Variants in FLACC1 observed in about 807,000 individuals in gnomAD.
FLACC1 encodes the protein flagellum associated containing coiled-coil domains 1.
A neutral mutation model predicts 62.8 loss-of-function variants in FLACC1; 66 were observed. That is an observed-to-expected ratio of 1.05 (90% CI 0.86 to 1.29). FLACC1 has a LOEUF of 1.29. Among genes scored for constraint, FLACC1 ranks in the 50% most tolerant of loss-of-function variants. The probability of loss-of-function intolerance (pLI) is 0.00; values close to 1 mark genes in which losing one functional copy is unlikely to be tolerated. For synonymous variants in FLACC1, 156 were observed against 161.0 expected, an observed-to-expected ratio of 0.97 and a Z score of 0.24; for missense variants, 452 against 489.1, an observed-to-expected ratio of 0.92 and a Z score of 0.71.
intron 4 of FLACC1, 28 bp downstream of exon 4, chr2:201,348,226 C>G (rs114465540): frequency 0.051 from 82,579 of 1,607,020 alleles, 2,427 homozygotes; most frequent in Middle Eastern, 0.088. Flanking sequence ...AAATTTTAGT[C>G]CCACCGCCCT....
At chr2:201,302,241 A>C (rs1241573498) in intron 11 of FLACC1, among the ~76,000 whole-genome samples, 1 of 152,164 alleles carries the variant, frequency 6.6e-6, no homozygotes, top group Non-Finnish European at 1.5e-5. Context: ...GTAAGATCTA[A>C]CAAAAAAATG....
chr2:201,336,433 T>C (rs1462081891), intron 7 of FLACC1, among the ~76,000 whole-genome samples: 1 of 152,208 alleles, frequency 6.6e-6, no homozygotes, highest in Non-Finnish European at 1.5e-5. Flanking sequence ...AGTTGATCCA[T>C]ATCTTTGTTA....
chr2:201,321,631 T>C (rs1950405153), intron 9 of FLACC1, among the ~76,000 whole-genome samples: 1 of 152,126 alleles, frequency 6.6e-6, no homozygotes, highest in East Asian at 1.9e-4. Flanking sequence ...AGGTTCAAGC[T>C]TGTATGAGAG....
At chr2:201,345,881 G>C (rs140101813) in intron 5 of FLACC1, among the ~76,000 whole-genome samples, 1 of 152,114 alleles carries the variant, frequency 6.6e-6, no homozygotes, top group East Asian at 1.9e-4. Context: ...TAATGAAAAA[G>C]AGGCTGGGCG....
chr2:201,338,992 T>C (rs1461185032), intron 7 of FLACC1, among the ~76,000 whole-genome samples: 3 of 151,618 alleles, frequency 2.0e-5, no homozygotes, highest in African/African-American at 4.9e-5. Flanking sequence ...AGGATTACTA[T>C]TAGTTCTCCT....
chr2:201,299,384 A>G, intron 11 of FLACC1, 84 bp from the exon 12 acceptor site: 1 of 1,089,874 alleles, frequency 9.2e-7, no homozygotes, highest in Non-Finnish European at 1.4e-6. Flanking sequence ...ACTAGGATTC[A>G]GGAATATAAT....
chr2:201,362,260 TAG>T (rs1210886831), upstream of FLACC1, among the ~76,000 whole-genome samples: 1 of 152,124 alleles, frequency 6.6e-6, no homozygotes, highest in Non-Finnish European at 1.5e-5. Flanking sequence ...GATATCAAAG[TAG>T]AGTCTCAAGC....
chr2:201,351,681 C>T (rs1029973664), intron 1 of FLACC1: 19 of 316,314 alleles, frequency 6.0e-5, no homozygotes, highest in Middle Eastern at 1.0e-3. Flanking sequence ...TGGTGGCTCA[C>T]GCCTGTAATC....
At chr2:201,333,511 G>A (rs185925713) in intron 7 of FLACC1, among the ~76,000 whole-genome samples, 6 of 151,614 alleles carry the variant, frequency 4.0e-5, no homozygotes, top group South Asian at 2.1e-4. Flanking sequence ...CCAGTAACTC[G>A]TCATTTAGCA....
chr2:201,363,179 A>C, the FLACC1 span, among the ~76,000 whole-genome samples: 1 of 151,880 alleles, frequency 6.6e-6, no homozygotes, highest in South Asian at 2.1e-4. Context: ...ATTGTGGTAC[A>C]GCGTGGCTCT....
rs1347600734 is a variant in FLACC1 at position 201,342,387 on chromosome 2, G to A, written c.507C>T (p.Asn169=). The change falls in exon 7 of 15, where the codon AAC becomes AAT. Residue 169 remains asparagine, a synonymous_variant. Coordinates refer to ENST00000392257, the MANE Select transcript of FLACC1 (RefSeq NM_001127391.3). ...AAGTGTACCTGTTCTTGTTTTCAAA[G>A]TTCTGTTTCATCTCAGCACAGCGGA... is the stretch of plus-strand genomic sequence containing the variant. ...MDLRCAEMKQ[N]FENKNRELKE... 6.2e-7 allele frequency: 1 copy of A among 1,614,214 alleles called. No individual in the cohort carries two copies. Among genetic ancestry groups the A allele is most frequent in the East Asian group, 2.2e-5 (1 of 44,888 alleles).
At chr2:201,317,188 G>T (rs1950322507) in intron 9 of FLACC1, among the ~76,000 whole-genome samples, 1 of 152,152 alleles carries the variant, frequency 6.6e-6, no homozygotes, top group Non-Finnish European at 1.5e-5. Flanking sequence ...AGTACTGGAA[G>T]TCCTAGCCAG....
At chr2:201,347,965 T>C (rs1299613373) in intron 4 of FLACC1, 1 of 239,596 alleles carries the variant, frequency 4.2e-6, no homozygotes, top group Non-Finnish European at 8.1e-6. Flanking sequence ...AGCTGTTCAC[T>C]GGCCTGGACT....
chr2:201,351,494 T>G, intron 1 of FLACC1, 43 bp from the exon 2 acceptor site: 2 of 967,186 alleles, frequency 2.1e-6, no homozygotes, highest in Non-Finnish European at 3.2e-6. Flanking sequence ...CCATTTAGAA[T>G]CAAAGCAAAA....
chr2:201,291,407 G>T (rs1949731920), intron 12 of FLACC1, among the ~76,000 whole-genome samples: 1 of 152,210 alleles, frequency 6.6e-6, no homozygotes. Context: ...CTGATACCCA[G>T]GCAAACAGGG....
At chr2:201,295,574 G>A (rs897431989) in intron 12 of FLACC1, among the ~76,000 whole-genome samples, 26 of 152,214 alleles carry the variant, frequency 1.7e-4, no homozygotes, top group African/African-American at 6.0e-4. Flanking sequence ...GAAAATCTAG[G>A]CAATACCATT....
intron 10 of FLACC1, among the ~76,000 whole-genome samples, chr2:201,308,824 G>T (rs909565089): frequency 3.9e-5 from 6 of 152,102 alleles, no homozygotes; most frequent in African/African-American, 7.2e-5. Context: ...TTGGAACTTT[G>T]GGTTCATCTG....
At chr2:201,330,941 C>A in intron 7 of FLACC1, 108 bp from the exon 8 acceptor site, 9 of 648,632 alleles carry the variant, frequency 1.4e-5, no homozygotes, top group Non-Finnish European at 1.7e-5. Flanking sequence ...AAGTGAGGTT[C>A]TCACTTTTTT....
At chr2:201,289,271 C>T (rs1949669882) in intron 14 of FLACC1, among the ~76,000 whole-genome samples, 186 bp downstream of exon 14, 1 of 152,210 alleles carries the variant, frequency 6.6e-6, no homozygotes, top group Admixed American at 6.5e-5. Flanking sequence ...CACATCTCCA[C>T]TCCACCTCAA....
Sources: gnomAD v4.1 joint callset for allele counts (sites outside exome capture counted in the v4.1 genomes callset) on GRCh38, gnomAD v4.1.1 for gene constraint, MANE v1.5 for transcripts, NCBI Gene and HGNC (gene_info 2026-07-23, HGNC 2026-07-21) for gene names.